MEI4: variants seen among roughly 807,000 people sequenced by gnomAD.
MEI4 encodes the protein meiotic double-stranded break formation protein 4.
A neutral mutation model predicts 31.4 loss-of-function variants in MEI4; 27 were observed. The ratio of observed to expected loss-of-function variants is 0.86; its 90% CI spans 0.63 to 1.19. MEI4 has a LOEUF of 1.19. Among genes scored for constraint, MEI4 ranks in the 50% most tolerant of loss-of-function variants. MEI4 has a pLI of 0.00. For synonymous variants in MEI4, 122 were observed against 145.4 expected (o/e 0.84, Z 1.16); for missense variants, 329 against 398.9 (o/e 0.82, Z 1.49).
intron 4 of MEI4, among the ~76,000 whole-genome samples, chr6:77,849,372 C>A (rs530439904): frequency 6.6e-6 from 1 of 152,092 alleles, no homozygotes; most frequent in African/African-American, 2.4e-5. Flanking sequence ...TGAAAGAAAG[C>A]ATTTCAGGTC....
chr6:77,823,856 CTG>C (rs2127709530), intron 3 of MEI4, among the ~76,000 whole-genome samples: 1 of 151,984 alleles, frequency 6.6e-6, no homozygotes, highest in East Asian at 2.0e-4. Context: ...CCCTGGGTCT[CTG>C]TGTCTCTTTA....
intron 4 of MEI4, among the ~76,000 whole-genome samples, chr6:77,871,071 A>C (rs1381062884): frequency 6.6e-6 from 1 of 152,214 alleles, no homozygotes; most frequent in African/African-American, 2.4e-5. Flanking sequence ...ATTCCTTAAC[A>C]TTCAGATGAA....
chr6:77,776,914 G>A (rs1252461357), intron 3 of MEI4, among the ~76,000 whole-genome samples: 1 of 152,158 alleles, frequency 6.6e-6, no homozygotes, highest in Non-Finnish European at 1.5e-5. Flanking sequence ...TAATTGATTA[G>A]CAAGAGATAA....
chr6:77,844,620 G>C (rs1463683897), intron 4 of MEI4, among the ~76,000 whole-genome samples: 14 of 152,086 alleles, frequency 9.2e-5, no homozygotes, highest in Admixed American at 9.2e-4. Context: ...TCAGAAATTG[G>C]TAATTTTATA....
At chr6:77,843,794 A>G (rs1562009366) in intron 4 of MEI4, among the ~76,000 whole-genome samples, 1 of 152,090 alleles carries the variant, frequency 6.6e-6, no homozygotes, top group African/African-American at 2.4e-5. Context: ...ATGGGCTGAC[A>G]TTTAAAAATA....
chr6:77,778,422 T>A (rs1188739173), intron 3 of MEI4, among the ~76,000 whole-genome samples: 3 of 151,950 alleles, frequency 2.0e-5, no homozygotes, highest in Non-Finnish European at 4.4e-5. Context: ...AAATCCAGGC[T>A]AGGTGTGGTG....
intron 4 of MEI4, among the ~76,000 whole-genome samples, chr6:77,883,593 C>T (rs1470738794): frequency 3.3e-5 from 5 of 151,530 alleles, no homozygotes; most frequent in Non-Finnish European, 7.4e-5. Context: ...CAATGACCTT[C>T]AGTTCCATCT....
chr6:77,654,257 C>A (rs916584168), intron 1 of MEI4, among the ~76,000 whole-genome samples: 8 of 152,264 alleles, frequency 5.3e-5, no homozygotes, highest in African/African-American at 1.9e-4. Context: ...TCCATAAAGG[C>A]AGAGATAGAC....
intron 3 of MEI4, among the ~76,000 whole-genome samples, chr6:77,801,995 G>A (rs1450742214): frequency 6.6e-6 from 1 of 152,200 alleles, no homozygotes; most frequent in Non-Finnish European, 1.5e-5. Context: ...TCCGCTTGGT[G>A]AAGAGCTGAG....
Position 77,925,789 on chromosome 6 carries a change from A to C in MEI4, c.*2443A>C, listed in dbSNP as rs1345052871. 2.7e-5 allele frequency: 4 copies of C among 148,172 alleles called. No individual in the cohort carries two copies. Among genetic ancestry groups the C allele is most frequent in the Non-Finnish European group, 3.0e-5 (2 of 67,198 alleles). The allele number at this position is 148,172 out of a possible 1,614,324, so 9.2% of individuals were successfully genotyped here. A position where few individuals can be genotyped will look rare whatever the true frequency, so the allele number is the denominator to read the frequency against. On this transcript the variant is annotated 3_prime_UTR_variant, in exon 5 of 5. Transcript: ENST00000684080. ...TATATGATAATATATTTTATATGAG[A>C]GTAAATATATATTAAATATTTTATA... is the stretch of plus-strand genomic sequence containing the variant.
chr6:77,781,616 A>T (rs1768598657), intron 3 of MEI4, among the ~76,000 whole-genome samples: 1 of 152,200 alleles, frequency 6.6e-6, no homozygotes. Flanking sequence ...GGTCTACATT[A>T]TTAAGTTCTT....
chr6:77,753,692 T>TGG (rs2127679071), intron 2 of MEI4, among the ~76,000 whole-genome samples: 1 of 152,176 alleles, frequency 6.6e-6, no homozygotes, highest in South Asian at 2.1e-4. Flanking sequence ...AGACAGTAGG[T>TGG]CGATTCCTCA....
intron 1 of MEI4, among the ~76,000 whole-genome samples, chr6:77,679,956 G>A (rs1768921426): frequency 2.0e-5 from 3 of 151,128 alleles, no homozygotes; most frequent in East Asian, 3.9e-4. Context: ...GGTCAGGCTG[G>A]TCCGCAACTC....
Position 77,838,830 on chromosome 6 carries a change from G to T in MEI4, c.900+9768G>T, listed in dbSNP as rs572540620. On this transcript the variant is annotated intron_variant, in intron 4 of 4. Transcript: ENST00000684080. ...AGGTGGGAGAATCACTTGAACCCAG[G>T]AGGCAGAGGTTGCTGTGAACTGAGA... is the stretch of plus-strand genomic sequence containing the variant. Among the ~76,000 whole-genome samples the T allele has an allele frequency of 2.0e-5, 3 of 151,984 alleles. No homozygotes were observed. The East Asian group carries it at 5.8e-4, about 30-fold the overall frequency.
chr6:77,771,719 A>G (rs548834187), intron 3 of MEI4, among the ~76,000 whole-genome samples: 2 of 152,214 alleles, frequency 1.3e-5, no homozygotes, highest in Non-Finnish European at 2.9e-5. Context: ...CTCACTTATA[A>G]ATGGGAGCTA....
intron 4 of MEI4, among the ~76,000 whole-genome samples, chr6:77,839,031 T>C (rs565843131): frequency 6.6e-6 from 1 of 152,098 alleles, no homozygotes; most frequent in Non-Finnish European, 1.5e-5. Flanking sequence ...TTTTTTTCAA[T>C]GTCCAAGCTT....
chr6:77,714,411 T>C (rs1001111166), intron 2 of MEI4, among the ~76,000 whole-genome samples: 4 of 152,224 alleles, frequency 2.6e-5, no homozygotes, highest in African/African-American at 9.6e-5. Context: ...TTTCACACAT[T>C]GTAATATCAT....
chr6:77,705,981 T>C (rs1766322365), intron 2 of MEI4, among the ~76,000 whole-genome samples: 1 of 152,138 alleles, frequency 6.6e-6, no homozygotes, highest in African/African-American at 2.4e-5. Context: ...CCATAAAGTG[T>C]GGTGCTTTGG....
chr6:77,801,781 G>A (rs57378085), intron 3 of MEI4, among the ~76,000 whole-genome samples: 14,515 of 152,138 alleles, frequency 0.095, 953 homozygotes, highest in East Asian at 0.3. Context: ...GTAGTTGAGC[G>A]GTTTTGAGTG....
Sources: gnomAD v4.1 joint callset for allele counts (sites outside exome capture counted in the v4.1 genomes callset) on GRCh38, gnomAD v4.1.1 for gene constraint, MANE v1.5 for transcripts, NCBI Gene and HGNC (gene_info 2026-07-23, HGNC 2026-07-21) for gene names.